The following ADAMTS3 variants were observed in gnomAD, a reference collection of about 807,000 sequenced individuals.
The protein encoded by ADAMTS3 is A disintegrin and metalloproteinase with thrombospondin motifs 3.
In ADAMTS3, 73 loss-of-function variants were observed where a neutral mutation model predicts 129.0. The observed-to-expected ratio is 0.57, with a 90% CI of 0.47 to 0.69. The LOEUF (loss-of-function observed/expected upper bound fraction) is 0.69. ADAMTS3 is among the 30% of genes least tolerant of loss of function. ADAMTS3 has a pLI of 0.00. For missense variants in ADAMTS3, 1,457 were observed against 1,514.5 expected (o/e 0.96, Z 0.63); for synonymous variants, 477 against 510.8 (o/e 0.93, Z 0.89).
At chr4:72,353,135 G>C (rs898494478) in intron 4 of ADAMTS3, among the ~76,000 whole-genome samples, 47 of 151,980 alleles carry the variant, frequency 3.1e-4, no homozygotes, top group Non-Finnish European at 6.2e-4. Context: ...GAATCCACAT[G>C]ATTTCTTTTT....
At chr4:72,434,497 T>A (rs371532488) in intron 3 of ADAMTS3, among the ~76,000 whole-genome samples, 25 of 151,710 alleles carry the variant, frequency 1.6e-4, no homozygotes, top group African/African-American at 5.6e-4. Flanking sequence ...ACTTACTAAA[T>A]CTAAACCTCT....
chr4:72,567,338 C>T, intron 2 of ADAMTS3, 36 bp downstream of exon 2: 1 of 1,605,114 alleles, frequency 6.2e-7, no homozygotes, highest in Admixed American at 1.7e-5. Context: ...TTACTTTCAA[C>T]TTAAGATAAG....
chr4:72,544,268 T>C (rs1366842261), intron 3 of ADAMTS3, among the ~76,000 whole-genome samples: 2 of 152,172 alleles, frequency 1.3e-5, no homozygotes, highest in African/African-American at 4.8e-5. Context: ...AATTGATTTT[T>C]CAACCCCTTT....
chr4:72,335,348 A>G (rs1282807774), intron 5 of ADAMTS3, among the ~76,000 whole-genome samples: 2 of 152,166 alleles, frequency 1.3e-5, no homozygotes, highest in African/African-American at 2.4e-5. Context: ...AGTCATTACT[A>G]TCGTTAGGAA....
intron 3 of ADAMTS3, among the ~76,000 whole-genome samples, chr4:72,541,949 T>C (rs937275129): frequency 5.3e-5 from 8 of 152,236 alleles, no homozygotes; most frequent in African/African-American, 7.2e-5. Context: ...TTTAGAATAA[T>C]GACTCAAATT....
intron 4 of ADAMTS3, among the ~76,000 whole-genome samples, chr4:72,340,292 T>A (rs949516270): frequency 6.8e-6 from 1 of 147,968 alleles, no homozygotes; most frequent in African/African-American, 2.5e-5. Flanking sequence ...GAAGTGGATA[T>A]ACAGGGTATA....
In ADAMTS3 at chr4:72,309,384, G is replaced by T; in HGVS notation, c.2179+13C>A. The T allele has an allele frequency of 6.2e-7, 1 of 1,610,696 alleles. No individual in the cohort carries two copies. The highest frequency in any genetic ancestry group is 8.5e-7 in the Non-Finnish European group (1 of 1,177,658). ...AGAGAAGAATACTAAATCCATGAGA[G>T]ACCTCATCTTACCAAGCTTCCTGGG... On this transcript the variant is annotated intron_variant, in intron 15 of 21. Coordinates refer to ENST00000286657, the MANE Select transcript of ADAMTS3 (RefSeq NM_014243.3).
At chr4:72,418,311 G>T (rs1159616762) in intron 3 of ADAMTS3, among the ~76,000 whole-genome samples, 1 of 152,030 alleles carries the variant, frequency 6.6e-6, no homozygotes, top group Non-Finnish European at 1.5e-5. Flanking sequence ...ACATAGTGTG[G>T]CAGCCAAAAT....
chr4:72,504,749 T>C (rs897806723), intron 3 of ADAMTS3, among the ~76,000 whole-genome samples: 8 of 152,176 alleles, frequency 5.3e-5, no homozygotes, highest in African/African-American at 1.9e-4. Context: ...ATTTCTCAAA[T>C]GTTTTGTTCA....
At chr4:72,394,676 A>G (rs1363260358) in intron 4 of ADAMTS3, among the ~76,000 whole-genome samples, 1 of 152,230 alleles carries the variant, frequency 6.6e-6, no homozygotes, top group Non-Finnish European at 1.5e-5. Flanking sequence ...CATTATTCAA[A>G]AGAAGTCATA....
chr4:72,511,421 A>C (rs929322593), intron 3 of ADAMTS3, among the ~76,000 whole-genome samples: 1 of 152,214 alleles, frequency 6.6e-6, no homozygotes, highest in African/African-American at 2.4e-5. Context: ...ACAGGGGAAA[A>C]AAATCTAATA....
chr4:72,338,534 T>C (rs76348512), intron 5 of ADAMTS3, among the ~76,000 whole-genome samples: 7,253 of 152,152 alleles, frequency 0.048, 565 homozygotes, highest in African/African-American at 0.16. Flanking sequence ...TCATGTTTCA[T>C]GAAACTAAGA....
Position 72,420,136 on chromosome 4 carries a change from C to T in ADAMTS3, c.505-5165G>A, listed in dbSNP as rs140067350. Among the ~76,000 whole-genome samples, 1,476 of 152,236 alleles carry T rather than the reference C, an allele frequency of 9.7e-3. 15 individuals are homozygous for T. Among genetic ancestry groups the T allele is most frequent in the South Asian group, 0.032 (152 of 4,816 alleles). Reference sequence around the variant, plus strand: ...TCAAAACTTTCGAAGGTCTCCCCTTCTCACCTAGATTAATAACCAAAGTTC... The same window carrying T: ...TCAAAACTTTCGAAGGTCTCCCCTTTTCACCTAGATTAATAACCAAAGTTC... On this transcript the variant is annotated intron_variant, in intron 3 of 21. Coordinates refer to ENST00000286657, the MANE Select transcript of ADAMTS3 (RefSeq NM_014243.3).
intron 3 of ADAMTS3, among the ~76,000 whole-genome samples, chr4:72,481,079 C>A (rs1719422543): frequency 6.6e-6 from 1 of 152,034 alleles, no homozygotes; most frequent in Non-Finnish European, 1.5e-5. Flanking sequence ...GAAAGACATA[C>A]TGTCATGATA....
chr4:72,336,999 C>T (rs1454618149), intron 5 of ADAMTS3, among the ~76,000 whole-genome samples: 1 of 152,078 alleles, frequency 6.6e-6, no homozygotes, highest in African/African-American at 2.4e-5. Flanking sequence ...TAAGTATATG[C>T]AATTGTATGT....
intron 3 of ADAMTS3, among the ~76,000 whole-genome samples, chr4:72,540,597 C>T (rs979603656): frequency 6.6e-6 from 1 of 152,204 alleles, no homozygotes. Flanking sequence ...TACCATCACA[C>T]ACCCGGAGGT....
chr4:72,294,437 G>C (rs756351872), intron 19 of ADAMTS3, among the ~76,000 whole-genome samples: 1 of 152,060 alleles, frequency 6.6e-6, no homozygotes, highest in Admixed American at 6.6e-5. Context: ...ATTGCTAGGA[G>C]AGCAGATTTG....
chr4:72,517,730 T>C (rs1447528481), intron 3 of ADAMTS3, among the ~76,000 whole-genome samples: 11 of 151,720 alleles, frequency 7.3e-5, no homozygotes, highest in African/African-American at 1.9e-4. Context: ...TCTCTCTTTT[T>C]TTCTTTATTA....
At chr4:72,401,950 G>T (rs1721934782) in intron 4 of ADAMTS3, among the ~76,000 whole-genome samples, 1 of 152,038 alleles carries the variant, frequency 6.6e-6, no homozygotes, top group Non-Finnish European at 1.5e-5. Flanking sequence ...TAAAAGAAAA[G>T]AAATATTTAC....
Sources: gnomAD v4.1 joint callset for allele counts (sites outside exome capture counted in the v4.1 genomes callset) on GRCh38, gnomAD v4.1.1 for gene constraint, MANE v1.5 for transcripts, NCBI Gene and HGNC (gene_info 2026-07-23, HGNC 2026-07-21) for gene names.